The following NINL variants were observed in gnomAD, a reference collection of about 807,000 sequenced individuals.
NINL encodes the protein ninein like.
Under a neutral mutation model 160.3 loss-of-function variants are expected in NINL, and 153 were observed. The observed-to-expected ratio is 0.95, with a 90% CI of 0.84 to 1.09. NINL has a LOEUF of 1.09. Ranked by LOEUF, NINL falls within the 50% of genes least tolerant of loss-of-function variation. NINL has a pLI of 0.00. For synonymous variants in NINL, 800 were observed against 734.8 expected (o/e 1.09, Z -1.43); for missense variants, 1,829 against 1,764.0 (o/e 1.04, Z -0.66).
intron 1 of NINL, among the ~76,000 whole-genome samples, chr20:25,561,528 T>C (rs1324285460): frequency 1.4e-5 from 2 of 139,328 alleles, no homozygotes; most frequent in African/African-American, 2.7e-5. Flanking sequence ...TCTGCCTGGC[T>C]GCCCAGTCTG....
chr20:25,499,254 C>T (rs548649875), intron 8 of NINL: 142 of 984,914 alleles, frequency 1.4e-4, no homozygotes, highest in Middle Eastern at 5.2e-4. Flanking sequence ...CTCCCCACCA[C>T]GTCACTGGAT....
intron 1 of NINL, among the ~76,000 whole-genome samples, chr20:25,551,358 G>A (rs549106488): frequency 1.3e-5 from 2 of 151,728 alleles, no homozygotes; most frequent in South Asian, 2.1e-4. Flanking sequence ...CAACAAGGGC[G>A]AGACTCCGTC....
Position 25,526,483 on chromosome 20 carries a change from G to C in NINL, c.105C>G (p.Leu35=). The change falls in exon 2 of 24, where the codon CTC becomes CTG. Residue 35 remains leucine (L), a synonymous_variant. Transcript: ENST00000278886. ...GFLDRQELTQ[L]CLKLHLEQQL... is the part of the protein sequence containing the mutation. The stretch of plus-strand genomic sequence containing the variant: ...GCTGCTCCAGGTGAAGCTTAAGGCA[G>C]AGCTGGGTCAGCTCCTGGCGGTCCA... 6.2e-7 allele frequency: 1 copy of C among 1,614,206 alleles called. No individual in the cohort carries two copies. The highest frequency in any genetic ancestry group is 8.5e-7 in the Non-Finnish European group (1 of 1,180,034).
intron 7 of NINL, among the ~76,000 whole-genome samples, chr20:25,503,683 C>G (rs984076912): frequency 1.3e-5 from 2 of 152,246 alleles, no homozygotes; most frequent in African/African-American, 4.8e-5. Context: ...CGAACCACCC[C>G]CATCTTACAC....
chr20:25,584,845 G>GGT (rs1234590045), intron 1 of NINL, among the ~76,000 whole-genome samples: 2 of 152,226 alleles, frequency 1.3e-5, no homozygotes, highest in East Asian at 3.9e-4. Context: ...ACTCCCACAT[G>GGT]GTGTGTGTGA....
At chr20:25,515,646 AATGGT>A (rs2064146874) in intron 3 of NINL, among the ~76,000 whole-genome samples, 1 of 152,170 alleles carries the variant, frequency 6.6e-6, no homozygotes, top group South Asian at 2.1e-4. Context: ...TTTAATTCCC[AATGGT>A]GGAGGAAGGG....
chr20:25,459,538 G>C (rs1213641820), intron 21 of NINL, among the ~76,000 whole-genome samples: 2 of 152,176 alleles, frequency 1.3e-5, no homozygotes, highest in Admixed American at 1.3e-4. Flanking sequence ...TCTCCCGAAG[G>C]CTCGTCTCAA....
chr20:25,477,049 G>A lies in NINL; in HGVS notation c.2242C>T (p.Leu748=), dbSNP rs953054922. Residue 748 remains leucine (L), a synonymous_variant, in exon 17 of 24, where the codon CTG becomes TTG. Transcript: ENST00000278886. ...EAELSGELSG[L]GALPARRDLT... ...TCTCTGCGAGCGGGCAGGGCTCCCA[G>A]CCCCGACAGCTCTCCACTCAGCTCC... 1.9e-6 allele frequency: 3 copies of A among 1,598,414 alleles called. No homozygotes were observed. In the African/African-American group the frequency reaches 4.0e-5, roughly 21 times the overall value.
intron 10 of NINL, among the ~76,000 whole-genome samples, chr20:25,491,936 C>G (rs1355800073): frequency 6.6e-6 from 1 of 152,218 alleles, no homozygotes; most frequent in Non-Finnish European, 1.5e-5. Flanking sequence ...AACCCATGGA[C>G]AGTGAATTCC....
chr20:25,455,326 CCT>C (rs1188172900), intron 23 of NINL, among the ~76,000 whole-genome samples: 8 of 152,226 alleles, frequency 5.3e-5, no homozygotes, highest in Non-Finnish European at 1.0e-4. Flanking sequence ...GAAGCATCTG[CCT>C]CTGTCTCCAG....
chr20:25,494,887 G>A (rs975643677), intron 10 of NINL, among the ~76,000 whole-genome samples: 47 of 152,206 alleles, frequency 3.1e-4, no homozygotes, highest in African/African-American at 1.1e-3. Context: ...AAGCTGACCA[G>A]TGGCCTTCGG....
At chr20:25,485,459 G>A (rs1482375565) in intron 13 of NINL, among the ~76,000 whole-genome samples, 1 of 152,250 alleles carries the variant, frequency 6.6e-6, no homozygotes, top group African/African-American at 2.4e-5. Flanking sequence ...GGGAGGAAGT[G>A]TTTCTTAGGA....
At chr20:25,523,805 C>T (rs1009561174) in intron 2 of NINL, among the ~76,000 whole-genome samples, 1 of 150,844 alleles carries the variant, frequency 6.6e-6, no homozygotes, top group African/African-American at 2.5e-5. Flanking sequence ...ACCACGCCGG[C>T]TAATTTTGTA....
chr20:25,476,192 A>T lies in NINL; in HGVS notation c.3099T>A (p.Gly1033=). 1 of 1,613,886 alleles carries T rather than the reference A, an allele frequency of 6.2e-7. No homozygotes were observed. ...GGGCAGCAAGCTGCTCCTGCCAGGA[A>T]CCCTGCGGGTCTGCGAGCTGGAGGT... ...PSHLQLADPQ[G]SWQEQLAAPE... The change falls in exon 17 of 24, where the codon GGT becomes GGA. Residue 1033 remains glycine, a synonymous_variant. Coordinates refer to ENST00000278886, the MANE Select transcript of NINL (RefSeq NM_025176.6).
At chr20:25,532,594 T>C (rs1240506843) in intron 1 of NINL, among the ~76,000 whole-genome samples, 3 of 152,206 alleles carry the variant, frequency 2.0e-5, no homozygotes, top group Admixed American at 6.5e-5. Flanking sequence ...TTACTGAGCA[T>C]TCAGAGCCGC....
At position 25,476,811 on chromosome 20, in the gene NINL, T is replaced by A. The variant is rs1377818425; in HGVS notation, c.2480A>T (p.Gln827Leu). The A allele has an allele frequency of 1.2e-6, 2 of 1,613,082 alleles. No homozygotes were observed. Among genetic ancestry groups the A allele is most frequent in the Non-Finnish European group, 8.5e-7 (1 of 1,179,924 alleles). ...VDGPSLEAEM[Q>L]ALPKDGLVAG... ...CACCAGCCCATCTTTCGGCAGGGCC[T>A]GCATCTCTGCTTCCAGGGAGGGCCC... Residue 827 changes from glutamine (Q) to leucine (L), a missense_variant, in exon 17 of 24, where the codon CAG becomes CTG. Physicochemically the swap from Gln to Leu is moderately radical, Grantham distance 113 (BLOSUM62 -2). Coordinates refer to ENST00000278886, the MANE Select transcript of NINL (RefSeq NM_025176.6).
chr20:25,492,959 TACTCATA>T (rs1374528987), intron 10 of NINL, among the ~76,000 whole-genome samples: 3 of 152,162 alleles, frequency 2.0e-5, no homozygotes, highest in African/African-American at 7.2e-5. Context: ...TACAGAAACC[TACTCATA>T]ACTCCCATTG....
At chr20:25,571,740 G>A (rs879934210) in intron 1 of NINL, among the ~76,000 whole-genome samples, 33 of 151,712 alleles carry the variant, frequency 2.2e-4, no homozygotes, top group Non-Finnish European at 4.1e-4. Context: ...AGTGGCACAC[G>A]CCTGTAATCC....
chr20:25,505,122 A>G (rs1395274811), intron 5 of NINL, 44 bp from the exon 6 acceptor site: 1 of 1,481,570 alleles, frequency 6.7e-7, no homozygotes, highest in Non-Finnish European at 9.0e-7. Flanking sequence ...ATACATACAC[A>G]ATGGAGCACG....
Sources: allele counts gnomAD v4.1 joint callset (sites outside exome capture counted in the v4.1 genomes callset), GRCh38; gene constraint gnomAD v4.1.1; transcripts MANE v1.5; gene names NCBI Gene and HGNC (gene_info 2026-07-23, HGNC 2026-07-21).